Variants in OPHN1 observed in about 807,000 individuals in gnomAD.
The protein encoded by OPHN1 is oligophrenin 1, also known as oligophrenin-1.
A neutral mutation model predicts 60.7 loss-of-function variants in OPHN1; 11 were observed. The ratio of observed to expected loss-of-function variants is 0.18; its 90% confidence interval spans 0.11 to 0.30. The LOEUF (loss-of-function observed/expected upper bound fraction) is 0.30. Ranked by LOEUF, OPHN1 falls within the 10% of genes least tolerant of loss-of-function variation. The pLI, the probability that OPHN1 is intolerant of heterozygous loss-of-function variation, is 1.00. For synonymous variants in OPHN1, 226 were observed against 222.6 expected (o/e 1.02, Z -0.14); for missense variants, 449 against 611.0 (o/e 0.73, Z 2.80).
At chrX:68,385,559 A>G (rs2078620341) in intron 2 of OPHN1, among the ~76,000 whole-genome samples, 1 of 112,341 alleles carries the variant, frequency 8.9e-6, no homozygotes, top group Non-Finnish European at 1.9e-5. Context: ...TGTTTGGTAA[A>G]CAGAGAATGA....
At chrX:68,270,934 C>A (rs1280816589) in intron 5 of OPHN1, among the ~76,000 whole-genome samples, 1 of 110,876 alleles carries the variant, frequency 9.0e-6, no homozygotes, top group Non-Finnish European at 1.9e-5. Context: ...AGAGGCTACA[C>A]CTCACTGAAC....
At chrX:68,180,469 A>G (rs1173407130) in intron 15 of OPHN1, among the ~76,000 whole-genome samples, 2 of 112,079 alleles carry the variant, frequency 1.8e-5, no homozygotes, top group Non-Finnish European at 3.8e-5. Flanking sequence ...AATACTTTCA[A>G]TAAGAATGAT....
rs148262378 is a variant in OPHN1 at position 68,432,888 on chromosome X, C to T, written c.133G>A (p.Ala45Thr). Residue 45 changes from alanine to threonine, a missense_variant, in exon 2 of 25, where the codon GCG becomes ACG. By Grantham distance (58) the Ala-to-Thr change is moderately conservative (BLOSUM62 0). Transcript: ENST00000355520. ...FIKDVIKDGN[A>T]LISAMRNYSS... is the part of the protein sequence containing the mutation. The stretch of plus-strand genomic sequence containing the variant: ...TTACTTCTCATAGCGCTGATAAGCG[C>T]GTTGCCGTCTTTGATTACGTCTTTG... The T allele has an allele frequency of 1.6e-3, 1,882 of 1,210,661 alleles. 4 individuals carry two copies. Among genetic ancestry groups the T allele is most frequent in the Non-Finnish European group, 1.9e-3 (1,731 of 895,247 alleles).
At chrX:68,050,938 T>C (rs909646271) in intron 23 of OPHN1, among the ~76,000 whole-genome samples, 17 of 112,271 alleles carry the variant, frequency 1.5e-4, no homozygotes, top group Non-Finnish European at 2.3e-4. Context: ...CTTCATGCTA[T>C]CAGTAAGAGA....
intron 15 of OPHN1, among the ~76,000 whole-genome samples, chrX:68,168,224 T>G (rs745428499): frequency 2.7e-5 from 3 of 110,808 alleles, no homozygotes; most frequent in African/African-American, 9.8e-5. Flanking sequence ...CACACCACCC[T>G]TATTCCAAAA....
intron 2 of OPHN1, among the ~76,000 whole-genome samples, chrX:68,327,018 C>T (rs1391510554): frequency 2.0e-5 from 1 of 50,454 alleles, no homozygotes; most frequent in Non-Finnish European, 2.9e-5. Context: ...CCGCCCCGTC[C>T]GGGAGGGAGG....
At chrX:68,316,864 G>T (rs753357970) in intron 2 of OPHN1, among the ~76,000 whole-genome samples, 5 of 111,979 alleles carry the variant, frequency 4.5e-5, no homozygotes, top group Admixed American at 3.8e-4. Context: ...AAATTTAAGT[G>T]AGTAGAATGT....
At chrX:68,217,607 G>T (rs771658725) in intron 6 of OPHN1, among the ~76,000 whole-genome samples, 56 of 110,107 alleles carry the variant, frequency 5.1e-4, no homozygotes, top group Admixed American at 4.7e-3. Context: ...GCCTCCTCAA[G>T]TGGGTCCCTG....
intron 4 of OPHN1, among the ~76,000 whole-genome samples, chrX:68,281,203 G>A (rs2078017932): frequency 1.8e-5 from 2 of 111,897 alleles, no homozygotes; most frequent in African/African-American, 6.5e-5. Flanking sequence ...AAGATAGTGT[G>A]GTATTTGTGA....
At chrX:68,176,824 T>C (rs1337125904) in intron 15 of OPHN1, among the ~76,000 whole-genome samples, 1 of 110,798 alleles carries the variant, frequency 9.0e-6, no homozygotes, top group East Asian at 2.8e-4. Flanking sequence ...TAGGCATAAA[T>C]GGGTTAAAGA....
rs142646787 is a variant in OPHN1 at position 68,062,367 on chromosome X, T to C, written c.2158+1487A>G. Reference sequence around the variant, plus strand: ...CATGAAAGCAGCCATAGACAACATGTAAATGAAGGGGTGTATTTATGTTTA... The same window carrying C: ...CATGAAAGCAGCCATAGACAACATGCAAATGAAGGGGTGTATTTATGTTTA... On this transcript the variant is annotated intron_variant, in intron 21 of 24. Coordinates refer to ENST00000355520, the MANE Select transcript of OPHN1 (RefSeq NM_002547.3). Among the ~76,000 whole-genome samples the C allele has an allele frequency of 3.6e-3, 406 of 112,874 alleles. 1 individual carries two copies. The highest frequency in any genetic ancestry group is 5.3e-3 in the Non-Finnish European group (283 of 53,396).
At chrX:68,052,478 A>G in intron 23 of OPHN1, 62 bp downstream of exon 23, 1 of 980,064 alleles carries the variant, frequency 1.0e-6, no homozygotes, top group Non-Finnish European at 1.4e-6. Context: ...GCACAATTGT[A>G]TGCTAAGGAT....
At position 68,317,536 on chromosome X, in the gene OPHN1, AAAAAAAGAAAG is replaced by A. The variant is rs1569278350; in HGVS notation, c.155-18451_155-18441del. Among the ~76,000 whole-genome samples the A allele has an allele frequency of 4.1e-3, 296 of 72,228 alleles. 6 individuals are homozygous for A. Among genetic ancestry groups the A allele is most frequent in the African/African-American group, 0.017 (242 of 13,927 alleles). The allele number at this position is 72,228 out of a possible 115,157, so 62.7% of individuals were successfully genotyped here. A position where few individuals can be genotyped will look rare whatever the true frequency, so the allele number is the denominator to read the frequency against. ...GAGAGAGAGAAAGAAAGAAAGAAAG[AAAAAAAGAAAG>A]AAAGAAAGAAAGAAAGAAAGAAAGA... On this transcript the variant is annotated intron_variant, in intron 2 of 24. Transcript: ENST00000355520.
chrX:68,148,776 G>C (rs942475076), intron 15 of OPHN1, among the ~76,000 whole-genome samples: 1 of 110,734 alleles, frequency 9.0e-6, no homozygotes, highest in Non-Finnish European at 1.9e-5. Flanking sequence ...CAGATATCCA[G>C]GGCCCACATC....
At chrX:68,050,643 C>T (rs888074305) in intron 23 of OPHN1, among the ~76,000 whole-genome samples, 1 of 112,178 alleles carries the variant, frequency 8.9e-6, no homozygotes, top group African/African-American at 3.2e-5. Flanking sequence ...TCAATAACTG[C>T]CCCCACAGCA....
Position 68,141,705 on chromosome X carries a change from T to C in OPHN1, c.1277-22373A>G, listed in dbSNP as rs907699427. ...CAAGGATTGTTTGGTTTTAATAAAA[T>C]GTAAATTCTATTTCAAAAGAGAGAG... is the stretch of plus-strand genomic sequence containing the variant. On this transcript the variant is annotated intron_variant, in intron 15 of 24. Transcript: ENST00000355520. Among the ~76,000 whole-genome samples the C allele has an allele frequency of 6.3e-5, 7 of 110,630 alleles. No homozygotes were observed. In the Admixed American group the frequency reaches 6.8e-4, roughly 11 times the overall value.
intron 19 of OPHN1, among the ~76,000 whole-genome samples, chrX:68,087,265 A>T (rs1488553143): frequency 8.9e-6 from 1 of 112,214 alleles, no homozygotes; most frequent in Non-Finnish European, 1.9e-5. Context: ...GGTCTAAGAG[A>T]ACTCAATATC....
chrX:68,293,405 T>C (rs909372083), intron 3 of OPHN1, among the ~76,000 whole-genome samples: 42 of 112,108 alleles, frequency 3.7e-4, no homozygotes, highest in African/African-American at 1.3e-3. Context: ...CAGAAACCAG[T>C]AATGGGTGGC....
chrX:68,332,204 G>A (rs777436009), intron 2 of OPHN1, among the ~76,000 whole-genome samples: 9 of 111,622 alleles, frequency 8.1e-5, no homozygotes, highest in African/African-American at 2.6e-4. Flanking sequence ...GCTTTTTGCT[G>A]TGTCTCCTGT....
Sources: gnomAD v4.1 joint callset for allele counts (sites outside exome capture counted in the v4.1 genomes callset) on GRCh38, gnomAD v4.1.1 for gene constraint, MANE v1.5 for transcripts, NCBI Gene and HGNC (gene_info 2026-07-23, HGNC 2026-07-21) for gene names.